The following JAK1 variants were observed in gnomAD, a reference collection of about 807,000 sequenced individuals.
JAK1 encodes Janus kinase 1.
In JAK1, 16 loss-of-function variants were observed where a neutral mutation model predicts 136.6. That is an observed-to-expected ratio of 0.12 (90% confidence interval 0.08 to 0.18). The LOEUF is 0.18. JAK1 is among the 10% of genes least tolerant of loss of function. The probability of loss-of-function intolerance (pLI) is 1.00; values close to 1 mark genes in which losing one functional copy is unlikely to be tolerated. For synonymous variants in JAK1, 492 were observed against 519.5 expected, an observed-to-expected ratio of 0.95 and a Z score of 0.72; for missense variants, 859 against 1,450.1, an observed-to-expected ratio of 0.59 and a Z score of 6.62.
intron 2 of JAK1, chr1:64,987,373 G>A (rs1646609849): frequency 6.6e-6 from 1 of 152,224 alleles, no homozygotes; most frequent in Admixed American, 6.5e-5. Context: ...TAGATGGATA[G>A]ACAGACAGAT....
intron 14 of JAK1, 86 bp downstream of exon 14, chr1:64,846,563 T>A: frequency 1.1e-6 from 1 of 943,048 alleles, no homozygotes; most frequent in Non-Finnish European, 1.7e-6. Flanking sequence ...CTGGGCAACG[T>A]GAGGGTGGGA....
chr1:64,994,268 T>G (rs1646683431), intron 2 of JAK1, among the ~76,000 whole-genome samples: 1 of 152,238 alleles, frequency 6.6e-6, no homozygotes, highest in African/African-American at 2.4e-5. Flanking sequence ...GTACACAAAC[T>G]TTCATCAAAT....
intron 2 of JAK1, among the ~76,000 whole-genome samples, chr1:65,020,002 G>T (rs1646923979): frequency 6.6e-6 from 1 of 151,998 alleles, no homozygotes; most frequent in Non-Finnish European, 1.5e-5. Flanking sequence ...AAGGTGGGCA[G>T]ATCATCTGAG....
At chr1:64,894,770 A>T (rs1644989668) in intron 1 of JAK1, among the ~76,000 whole-genome samples, 1 of 151,906 alleles carries the variant, frequency 6.6e-6, no homozygotes, top group African/African-American at 2.4e-5. Flanking sequence ...GAGCAAGACT[A>T]CGTCTCAAAA....
intron 1 of JAK1, among the ~76,000 whole-genome samples, chr1:64,949,798 T>C (rs1249275868): frequency 6.6e-6 from 1 of 152,224 alleles, no homozygotes; most frequent in East Asian, 1.9e-4. Context: ...ATCTATGCAT[T>C]CATCCTAATA....
intron 12 of JAK1, among the ~76,000 whole-genome samples, chr1:64,849,747 G>A (rs1268732000): frequency 1.3e-5 from 2 of 152,196 alleles, no homozygotes; most frequent in Admixed American, 1.3e-4. Flanking sequence ...TTGGAGGCTC[G>A]AGGCAAGGGA....
chr1:64,838,399 C>A, intron 21 of JAK1, 66 bp downstream of exon 21: 1 of 1,537,016 alleles, frequency 6.5e-7, no homozygotes, highest in Admixed American at 1.9e-5. Flanking sequence ...AGTCAAATTA[C>A]AAACCAATTA....
chr1:64,962,387 C>G (rs1392071172), intron 1 of JAK1, among the ~76,000 whole-genome samples: 1 of 152,202 alleles, frequency 6.6e-6, no homozygotes, highest in African/African-American at 2.4e-5. Context: ...GCTTCTAAAG[C>G]AGGTCTTGCC....
At chr1:64,954,065 C>T (rs1160375187) in intron 1 of JAK1, among the ~76,000 whole-genome samples, 1 of 152,142 alleles carries the variant, frequency 6.6e-6, no homozygotes, top group Non-Finnish European at 1.5e-5. Flanking sequence ...GCTTCAAAAA[C>T]ATTAGGTTAG....
Position 65,028,039 on chromosome 1 carries a change from G to A in JAK1, c.-78+16441C>T, listed in dbSNP as rs568515482. ...AAGTAGAGTGTTTTTGTGCTCCACA[G>A]AACTGCCTGAGCTCTTTTTATGATT... On this transcript the variant is annotated intron_variant, in intron 2 of 25. Transcript: ENST00000671954. 2.0e-5 allele frequency among the ~76,000 whole-genome samples: 3 copies of A among 152,316 alleles called. No individual in the cohort carries two copies. In the South Asian group the frequency reaches 6.2e-4, roughly 32 times the overall value.
intron 5 of JAK1, among the ~76,000 whole-genome samples, chr1:64,872,401 T>C (rs1657125485): frequency 6.6e-6 from 1 of 152,206 alleles, no homozygotes; most frequent in Admixed American, 6.5e-5. Flanking sequence ...GTTACCTCCT[T>C]AGAGAGACCT....
chr1:65,050,635 A>C (rs1371981949), intron 1 of JAK1, among the ~76,000 whole-genome samples: 3 of 152,306 alleles, frequency 2.0e-5, no homozygotes, highest in South Asian at 2.1e-4. Flanking sequence ...TGATGGCATG[A>C]TCAAACTTTC....
intron 5 of JAK1, among the ~76,000 whole-genome samples, chr1:64,871,836 A>G (rs1174632475): frequency 2.0e-5 from 3 of 152,210 alleles, no homozygotes; most frequent in Non-Finnish European, 4.4e-5. Context: ...GTATGTTTCG[A>G]GTGTACTCTT....
At chr1:64,902,583 A>AGAGAGAGAGTGTGTGTGTGTGT in intron 1 of JAK1, among the ~76,000 whole-genome samples, 10 of 73,788 alleles carry the variant, frequency 1.4e-4, no homozygotes, top group African/African-American at 2.5e-4. Flanking sequence ...AGAGAGAGAG[A>AGAGAGAGAGTGTGTGTGTGTGT]GTGTGTGTGT....
chr1:65,024,660 CAA>C (rs11349903), intron 2 of JAK1, among the ~76,000 whole-genome samples: 807 of 69,882 alleles, frequency 0.012, 7 homozygotes, highest in East Asian at 0.027. Context: ...TGGTCCAAAG[CAA>C]AAAAAAAAAA....
At chr1:64,854,004 G>A (rs1655765728) in intron 11 of JAK1, among the ~76,000 whole-genome samples, 1 of 152,212 alleles carries the variant, frequency 6.6e-6, no homozygotes, top group Non-Finnish European at 1.5e-5. Context: ...AACTTACTCT[G>A]AGGTCTCACA....
At chr1:64,841,187 G>A (rs1003842752) in intron 19 of JAK1, 58 bp downstream of exon 19, 4 of 1,200,406 alleles carry the variant, frequency 3.3e-6, no homozygotes, top group African/African-American at 1.5e-5. Context: ...GCAGAGAGTG[G>A]CGCTGTGGAT....
At chr1:64,981,605 T>C (rs1007548363) in intron 2 of JAK1, among the ~76,000 whole-genome samples, 1 of 152,250 alleles carries the variant, frequency 6.6e-6, no homozygotes, top group Admixed American at 6.5e-5. Context: ...AAGAATGCAC[T>C]GAGTATTTAA....
At chr1:64,904,474 GAGCTCTTA>G (rs1334852703) in intron 1 of JAK1, among the ~76,000 whole-genome samples, 2 of 152,086 alleles carry the variant, frequency 1.3e-5, no homozygotes, top group Non-Finnish European at 2.9e-5. Context: ...TTAACAGCAA[GAGCTCTTA>G]AGCCTTTCAT....
Sources: allele counts gnomAD v4.1 joint callset (sites outside exome capture counted in the v4.1 genomes callset), GRCh38; gene constraint gnomAD v4.1.1; transcripts MANE v1.5; gene names NCBI Gene and HGNC (gene_info 2026-07-23, HGNC 2026-07-21).